MED13L: variants seen among roughly 807,000 people sequenced by gnomAD.
MED13L encodes mediator of RNA polymerase II transcription subunit 13-like.
Under a neutral mutation model 220.9 loss-of-function variants are expected in MED13L, and 7 were observed. The observed-to-expected ratio is 0.03, with a 90% CI of 0.02 to 0.06. The LOEUF (loss-of-function observed/expected upper bound fraction) is 0.06, where lower values mean the gene tolerates loss of function less well. Ranked by LOEUF, MED13L falls within the 10% of genes least tolerant of loss-of-function variation. The pLI is 1.00. For synonymous variants in MED13L, 1,011 were observed against 1,015.2 expected, an observed-to-expected ratio of 1.00 and a Z score of 0.08; for missense variants, 1,965 against 2,760.5, an observed-to-expected ratio of 0.71 and a Z score of 6.46.
At chr12:116,140,857 GATAGTCATCA>G (rs1877007778) in intron 2 of MED13L, among the ~76,000 whole-genome samples, 1 of 152,178 alleles carries the variant, frequency 6.6e-6, no homozygotes, top group African/African-American at 2.4e-5. Context: ...TGGCTGAAAT[GATAGTCATCA>G]CATTTAATCT....
Position 116,277,231 on chromosome 12 carries a change from C to T in MED13L, c.-100G>A. 3 of 578,546 alleles carry T rather than the reference C, an allele frequency of 5.2e-6. No homozygotes were observed. The highest frequency in any genetic ancestry group is 4.3e-6 in the Non-Finnish European group (2 of 459,974). 35.8% of individuals were successfully genotyped at this position (578,546 alleles called of 1,614,324 possible). On this transcript the variant is annotated 5_prime_UTR_variant, in exon 1 of 31. Transcript: ENST00000281928. ...CGGCGCCTCGCCGGGGAGCGCGGGGCGGCCGGGCCGCCGCCGCCGCCGGGG... is the reference window on the plus strand; with the variant it reads ...CGGCGCCTCGCCGGGGAGCGCGGGGTGGCCGGGCCGCCGCCGCCGCCGGGG...
Position 116,008,808 on chromosome 12 carries a change from A to G in MED13L, c.1605T>C (p.Asn535=). Reference sequence around the variant, plus strand: ...GATTCAGATTCATTTGCTTGCTTGTATTTCTGGAAGGCACGGCCATTTGCT... The same window carrying G: ...GATTCAGATTCATTTGCTTGCTTGTGTTTCTGGAAGGCACGGCCATTTGCT... ...YDKQMAVPSR[N]TSKQMNLNPM... is the part of the protein sequence containing the mutation. The change falls in exon 10 of 31, where the codon AAT becomes AAC. Residue 535 remains asparagine, a synonymous_variant. Coordinates refer to ENST00000281928, the MANE Select transcript of MED13L (RefSeq NM_015335.5). 6.2e-7 allele frequency: 1 copy of G among 1,613,932 alleles called. No individual in the cohort carries two copies. The highest frequency in any genetic ancestry group is 8.5e-7 in the Non-Finnish European group (1 of 1,179,978).
chr12:116,165,608 G>C (rs1367222998), intron 2 of MED13L, among the ~76,000 whole-genome samples: 5 of 151,934 alleles, frequency 3.3e-5, no homozygotes, highest in Non-Finnish European at 7.4e-5. Flanking sequence ...AGGAGTACAG[G>C]CGTGAGCCAC....
intron 1 of MED13L, among the ~76,000 whole-genome samples, chr12:116,266,029 G>A (rs563025508): frequency 2.0e-5 from 3 of 152,178 alleles, no homozygotes; most frequent in South Asian, 2.1e-4. Context: ...TCTTTTTTCC[G>A]CATATCAGTC....
chr12:116,137,708 C>A (rs921671803), intron 2 of MED13L, among the ~76,000 whole-genome samples: 3 of 152,078 alleles, frequency 2.0e-5, no homozygotes, highest in Non-Finnish European at 4.4e-5. Flanking sequence ...CTGCACCCAG[C>A]GTTATTTTGC....
intron 4 of MED13L, among the ~76,000 whole-genome samples, chr12:116,038,535 G>T (rs1468819215): frequency 6.6e-6 from 1 of 151,988 alleles, no homozygotes; most frequent in Non-Finnish European, 1.5e-5. Flanking sequence ...TGACACCCAT[G>T]GGGGAGCAAG....
intron 9 of MED13L, among the ~76,000 whole-genome samples, chr12:116,011,003 A>C (rs773786507): frequency 2.0e-5 from 3 of 150,920 alleles, no homozygotes; most frequent in Admixed American, 6.6e-5. Context: ...CAGCCTCCTG[A>C]GCAGCTGGGA....
At chr12:116,144,954 T>C (rs1877356884) in intron 2 of MED13L, among the ~76,000 whole-genome samples, 1 of 152,246 alleles carries the variant, frequency 6.6e-6, no homozygotes, top group Non-Finnish European at 1.5e-5. Flanking sequence ...ATTCATCCCA[T>C]ACCACTTATA....
At chr12:116,075,789 T>TAA (rs1870735908) in intron 4 of MED13L, among the ~76,000 whole-genome samples, 1 of 152,192 alleles carries the variant, frequency 6.6e-6, no homozygotes, top group Admixed American at 6.5e-5. Context: ...AGAGAAGCTA[T>TAA]AGTGGCACCA....
In MED13L at chr12:116,008,904, T is replaced by C. The variant is rs1879219617; in HGVS notation, c.1509A>G (p.Thr503=). ...VAEELCMEQD[T]PGQKLGLAGI... The stretch of plus-strand genomic sequence containing the variant: ...CTGCCAACCCTAGTTTCTGTCCTGG[T>C]GTATCTTGCTCCATGCATAATTCTT... The change falls in exon 10 of 31, where the codon ACA becomes ACG. Residue 503 remains threonine (T), a synonymous_variant. Transcript: ENST00000281928. 3.1e-6 allele frequency: 5 copies of C among 1,614,204 alleles called. 1 individual carries two copies. The highest frequency in any genetic ancestry group is 4.5e-5 in the East Asian group (2 of 44,870).
chr12:116,180,341 T>C (rs1030833015), intron 2 of MED13L, among the ~76,000 whole-genome samples: 5 of 152,196 alleles, frequency 3.3e-5, no homozygotes, highest in African/African-American at 1.2e-4. Flanking sequence ...AATTCCACAT[T>C]TGACCTCCTA....
chr12:116,250,896 G>C (rs1483985061), intron 1 of MED13L, among the ~76,000 whole-genome samples: 1 of 150,404 alleles, frequency 6.6e-6, no homozygotes, highest in Non-Finnish European at 1.5e-5. Context: ...ATAGAAAGAA[G>C]AAAAAAAGTA....
Position 115,963,583 on chromosome 12 carries a change from G to T in MED13L, c.6388-64C>A. The stretch of plus-strand genomic sequence containing the variant: ...ACAATCACAGTGCAGAAGTGAGGGA[G>T]GCCATGTCTGCCAGAAGCAGATGCT... On this transcript the variant is annotated intron_variant, in intron 29 of 30. Coordinates refer to ENST00000281928, the MANE Select transcript of MED13L (RefSeq NM_015335.5). 6 of 1,228,758 alleles carry T rather than the reference G, an allele frequency of 4.9e-6. No homozygotes were observed. In the South Asian group the frequency reaches 7.6e-5, roughly 16 times the overall value. 76.1% of individuals were successfully genotyped at this position (1,228,758 alleles called of 1,614,324 possible).
intron 4 of MED13L, among the ~76,000 whole-genome samples, chr12:116,057,836 T>C (rs1240588755): frequency 2.0e-5 from 3 of 152,106 alleles, no homozygotes; most frequent in African/African-American, 7.2e-5. Flanking sequence ...AGACTTAGGA[T>C]TATTACTATT....
intron 4 of MED13L, among the ~76,000 whole-genome samples, chr12:116,068,058 A>C (rs532786018): frequency 6.6e-6 from 1 of 152,328 alleles, no homozygotes; most frequent in Non-Finnish European, 1.5e-5. Context: ...GAACCCTCAG[A>C]CCAAAGCCCA....
At chr12:116,255,334 CCA>C (rs1871946464) in intron 1 of MED13L, among the ~76,000 whole-genome samples, 1 of 152,128 alleles carries the variant, frequency 6.6e-6, no homozygotes, top group Admixed American at 6.5e-5. Flanking sequence ...CAAAACAAAA[CCA>C]GAACTTCAAT....
chr12:116,174,420 C>A (rs1879897933), intron 2 of MED13L: 1 of 151,112 alleles, frequency 6.6e-6, no homozygotes, highest in Non-Finnish European at 1.5e-5. Context: ...TATCCATTTT[C>A]TATGTAAAAG....
intron 2 of MED13L, among the ~76,000 whole-genome samples, chr12:116,191,043 G>A (rs1270971461): frequency 6.6e-6 from 1 of 150,998 alleles, no homozygotes. Context: ...AGTGAGCAGA[G>A]GTTGCACAAC....
At chr12:116,089,062 T>C (rs1359147967) in intron 4 of MED13L, among the ~76,000 whole-genome samples, 2 of 151,602 alleles carry the variant, frequency 1.3e-5, no homozygotes, top group East Asian at 3.9e-4. Context: ...AATAAACAAA[T>C]ACAAAATGAC....
Sources: allele counts gnomAD v4.1 joint callset (sites outside exome capture counted in the v4.1 genomes callset), GRCh38; gene constraint gnomAD v4.1.1; transcripts MANE v1.5; gene names NCBI Gene and HGNC (gene_info 2026-07-23, HGNC 2026-07-21).